The following AKNA variants were observed in gnomAD, a reference collection of about 807,000 sequenced individuals.
AKNA encodes the protein microtubule organization protein AKNA.
A neutral mutation model predicts 138.8 loss-of-function variants in AKNA; 67 were observed. That is an observed-to-expected ratio of 0.48 (90% CI 0.40 to 0.59). AKNA has a LOEUF of 0.59. Ranked by LOEUF, AKNA falls within the 20% of genes least tolerant of loss-of-function variation. The pLI is 0.00. For synonymous variants in AKNA, 737 were observed against 754.4 expected, an observed-to-expected ratio of 0.98 and a Z score of 0.38; for missense variants, 1,813 against 1,880.4, an observed-to-expected ratio of 0.96 and a Z score of 0.66.
At chr9:114,358,374 T>C in intron 11 of AKNA, 1 of 598,612 alleles carries the variant, frequency 1.7e-6, no homozygotes. Flanking sequence ...AACTATAAAA[T>C]ATGGATGCCA....
intron 2 of AKNA, among the ~76,000 whole-genome samples, chr9:114,380,818 AG>A (rs67628842): frequency 0.38 from 53,031 of 138,062 alleles, 11,964 homozygotes; most frequent in Middle Eastern, 0.53. Context: ...TACTAAAAAA[AG>A]AAAAAAAAAA....
chr9:114,381,739 C>A (rs1232346765), intron 1 of AKNA, among the ~76,000 whole-genome samples: 2 of 141,850 alleles, frequency 1.4e-5, no homozygotes, highest in East Asian at 4.4e-4. Context: ...CGGCTCACTG[C>A]AACCTCCGTC....
At position 114,337,012 on chromosome 9, in the gene AKNA, T is replaced by TTGGGGGGGGGGGGC; in HGVS notation, c.*41_*42insGCCCCCCCCCCCCA. On this transcript the variant is annotated 3_prime_UTR_variant, in exon 22 of 22. Coordinates refer to ENST00000374088, the MANE Select transcript of AKNA (RefSeq NM_001317950.2). Reference sequence around the variant, plus strand: ...CCCACTCCTGGCCTGGCAGGCCACCTGCCCACCCACCCACCCATCTGCCTC... The same window carrying TTGGGGGGGGGGGGC: ...CCCACTCCTGGCCTGGCAGGCCACCTTGGGGGGGGGGGGCGCCCACCCACCCACCCATCTGCCTC... 1.7e-6 allele frequency: 2 copies of TTGGGGGGGGGGGGC among 1,208,222 alleles called. No individual in the cohort carries two copies. Among genetic ancestry groups the TTGGGGGGGGGGGGC allele is most frequent in the Non-Finnish European group, 2.2e-6 (2 of 929,348 alleles). 74.8% of individuals were successfully genotyped at this position (1,208,222 alleles called of 1,614,324 possible). A position where few individuals can be genotyped will look rare whatever the true frequency, so the allele number is the denominator to read the frequency against.
chr9:114,343,660 G>T, intron 19 of AKNA, 48 bp downstream of exon 19: 1 of 1,577,932 alleles, frequency 6.3e-7, no homozygotes, highest in East Asian at 2.2e-5. Context: ...AGGGCAAGAA[G>T]CTGCAGCCAC....
chr9:114,349,915 C>T (rs569994594), intron 15 of AKNA, among the ~76,000 whole-genome samples: 1 of 152,302 alleles, frequency 6.6e-6, no homozygotes, highest in East Asian at 1.9e-4. Context: ...GCTGAGATAC[C>T]ACTTCCTCCA....
rs999481323 is a variant in AKNA at position 114,336,200 on chromosome 9, G to A, written c.*854C>T. 4 of 152,606 alleles carry A rather than the reference G, an allele frequency of 2.6e-5. No homozygotes were observed. The highest frequency in any genetic ancestry group is 4.4e-5 in the Non-Finnish European group (3 of 68,038). The allele number at this position is 152,606 out of a possible 1,614,324, so 9.5% of individuals were successfully genotyped here. On this transcript the variant is annotated 3_prime_UTR_variant, in exon 22 of 22. Coordinates refer to ENST00000374088, the MANE Select transcript of AKNA (RefSeq NM_001317950.2). ...TTCATTCTTCATTTGCCCTCGTAAC[G>A]AAAATAGATTTTTAAATGCCTCAAA...
chr9:114,345,608 T>C, intron 18 of AKNA: 1 of 406,542 alleles, frequency 2.5e-6, no homozygotes, highest in African/African-American at 2.1e-5. Context: ...CTGAACAGAC[T>C]TCCCAGAACC....
Position 114,341,630 on chromosome 9 carries a change from C to CG in AKNA, c.3969dup (p.Gly1324ArgfsTer144), listed in dbSNP as rs770120077. The CG allele has an allele frequency of 2.0e-5, 33 of 1,611,866 alleles. No homozygotes were observed. The highest frequency in any genetic ancestry group is 1.3e-4 in the Admixed American group (8 of 59,290). ...GGCGCTGTTGCCAGATACCACAGTCCGGGGGGTGGGCGTGGCGACGACCCC... is the reference window on the plus strand; with the variant it reads ...GGCGCTGTTGCCAGATACCACAGTCCGGGGGGGTGGGCGTGGCGACGACCCC... On this transcript the variant is annotated frameshift_variant, in exon 21 of 22. Transcript: ENST00000374088. LOFTEE classifies it high-confidence loss of function.
upstream of AKNA, among the ~76,000 whole-genome samples, chr9:114,391,371 A>G (rs769988860): frequency 6.6e-6 from 1 of 152,258 alleles, no homozygotes; most frequent in Non-Finnish European, 1.5e-5. Context: ...CTGGTTCCAC[A>G]CAGAGCCTTT....
intron 14 of AKNA, among the ~76,000 whole-genome samples, chr9:114,351,224 T>A (rs1831097520): frequency 6.6e-6 from 1 of 152,122 alleles, no homozygotes; most frequent in African/African-American, 2.4e-5. Context: ...GGTGCTGAGC[T>A]GGGCCTGCCC....
intron 12 of AKNA, among the ~76,000 whole-genome samples, 157 bp from the exon 13 acceptor site, chr9:114,357,126 G>GGC (rs145500230): frequency 0.023 from 3,530 of 152,268 alleles, 123 homozygotes; most frequent in African/African-American, 0.08. Context: ...AGGGCTCTCA[G>GGC]GCTCTCAGGC....
At position 114,347,853 on chromosome 9, in the gene AKNA, C is replaced by T. The variant is rs766904268; in HGVS notation, c.3269G>A (p.Arg1090Gln). The T allele has an allele frequency of 1.9e-5, 30 of 1,550,458 alleles. No homozygotes were observed. The highest frequency in any genetic ancestry group is 5.5e-5 in the African/African-American group (4 of 72,922). ...TGGCTGGTGCAGGCTGTCTTCCAGC[C>T]GCAGACGAAGCCGGGACACCTCTTC... ...LQEEVSRLRL[R>Q]LEDSLHQPLQ... Residue 1090 changes from arginine to glutamine, a missense_variant, in exon 16 of 22, where the codon CGG (arginine) becomes CAG (glutamine). Transcript: ENST00000374088.
intron 1 of AKNA, among the ~76,000 whole-genome samples, chr9:114,386,817 C>T (rs956133997): frequency 1.3e-5 from 2 of 152,120 alleles, no homozygotes; most frequent in Admixed American, 6.5e-5. Context: ...GGGACCCTTC[C>T]CTTTATGGCT....
chr9:114,361,307 T>C lies in AKNA; in HGVS notation c.2124+397A>G, dbSNP rs148993977. Among the ~76,000 whole-genome samples the C allele has an allele frequency of 5.3e-5, 8 of 152,348 alleles. No individual in the cohort carries two copies. In the East Asian group the frequency reaches 1.4e-3, roughly 26 times the overall value. ...CTTTCTGTCTCTAGTAATTCCTACTTAGTCTCAGGTCTCATTTAAACATGA... is the reference window on the plus strand; with the variant it reads ...CTTTCTGTCTCTAGTAATTCCTACTCAGTCTCAGGTCTCATTTAAACATGA... On this transcript the variant is annotated intron_variant, in intron 9 of 21. Transcript: ENST00000374088.
chr9:114,369,654 C>A (rs889838639), intron 4 of AKNA, among the ~76,000 whole-genome samples: 1 of 152,084 alleles, frequency 6.6e-6, no homozygotes, highest in South Asian at 2.1e-4. Context: ...CCGTCATCAC[C>A]ACTACCATCA....
At chr9:114,374,812 A>G (rs1450420737) in intron 3 of AKNA, among the ~76,000 whole-genome samples, 2 of 152,252 alleles carry the variant, frequency 1.3e-5, no homozygotes, top group Admixed American at 1.3e-4. Context: ...AAGTACCATT[A>G]TGGGTCAGTA....
chr9:114,386,026 G>C (rs781203441), intron 1 of AKNA, among the ~76,000 whole-genome samples: 26 of 152,178 alleles, frequency 1.7e-4, no homozygotes, highest in Non-Finnish European at 3.2e-4. Context: ...TTGGGAGGCA[G>C]GGTATGGGAC....
intron 1 of AKNA, among the ~76,000 whole-genome samples, chr9:114,383,886 C>T (rs1364635415): frequency 1.3e-5 from 2 of 152,102 alleles, no homozygotes; most frequent in African/African-American, 4.8e-5. Flanking sequence ...GATGGGTGTT[C>T]GGGGCTTCTA....
chr9:114,377,343 T>C lies in AKNA; in HGVS notation c.464A>G (p.His155Arg), dbSNP rs758411205. 4 of 1,613,990 alleles carry C rather than the reference T, an allele frequency of 2.5e-6. No individual in the cohort carries two copies. The East Asian group carries it at 8.9e-5, about 36-fold the overall frequency. The part of the protein sequence containing the change: ...GYEAGLSLEG[H>R]GNTSPMALGH... ...AAGAGCCATGGGGCTGGTGTTTCCA[T>C]GGCCTTCCAAGCTGAGACCAGCCTC... Residue 155 changes from histidine to arginine, a missense_variant, in exon 3 of 22, where the codon CAT becomes CGT. By Grantham distance (29) the His-to-Arg change is conservative. Transcript: ENST00000374088.
Sources: allele counts gnomAD v4.1 joint callset (sites outside exome capture counted in the v4.1 genomes callset), GRCh38; gene constraint gnomAD v4.1.1; transcripts MANE v1.5; gene names NCBI Gene and HGNC (gene_info 2026-07-23, HGNC 2026-07-21).